TAF15: variants seen among roughly 807,000 people sequenced by gnomAD.
TAF15 encodes the protein TATA-binding protein-associated factor 2N.
In TAF15, 37 loss-of-function variants were observed where a neutral mutation model predicts 102.5. That is an observed-to-expected ratio of 0.36 (90% CI 0.28 to 0.47). TAF15 has a LOEUF of 0.47. Among genes scored for constraint, TAF15 ranks in the 20% least tolerant of loss-of-function variants. The pLI, the probability that TAF15 is intolerant of heterozygous loss-of-function variation, is 0.99. For synonymous variants in TAF15, 273 were observed against 259.2 expected (o/e 1.05, Z -0.51); for missense variants, 652 against 760.7 (o/e 0.86, Z 1.68).
intron 2 of TAF15, among the ~76,000 whole-genome samples, chr17:35,818,062 C>G (rs948147909): frequency 2.0e-5 from 3 of 152,012 alleles, no homozygotes; most frequent in Non-Finnish European, 4.4e-5. Flanking sequence ...ACTGTAATCT[C>G]CACTACAGAC....
intron 7 of TAF15, among the ~76,000 whole-genome samples, chr17:35,828,075 G>A (rs908725544): frequency 6.6e-6 from 1 of 152,058 alleles, no homozygotes; most frequent in Non-Finnish European, 1.5e-5. Flanking sequence ...ATAAATAATT[G>A]CTTTTCATTA....
chr17:35,826,733 T>TC (rs2087334358), intron 7 of TAF15, among the ~76,000 whole-genome samples: 1 of 149,798 alleles, frequency 6.7e-6, no homozygotes, highest in African/African-American at 2.4e-5. Flanking sequence ...AATTTTTTTT[T>TC]TTTTTTTTTT....
chr17:35,835,751 G>T (rs541725382), intron 9 of TAF15, among the ~76,000 whole-genome samples: 2 of 152,356 alleles, frequency 1.3e-5, no homozygotes, highest in East Asian at 3.9e-4. Context: ...TTGTACTAGA[G>T]AATCTTAAAA....
intron 7 of TAF15, among the ~76,000 whole-genome samples, chr17:35,831,681 A>T (rs1351486115): frequency 6.6e-6 from 1 of 152,192 alleles, no homozygotes; most frequent in Non-Finnish European, 1.5e-5. Context: ...TCGTGAACCC[A>T]GTGACCTCCA....
intron 7 of TAF15, 115 bp downstream of exon 7, chr17:35,824,313 A>C: frequency 7.3e-7 from 1 of 1,376,468 alleles, no homozygotes; most frequent in Non-Finnish European, 9.9e-7. Flanking sequence ...GACTTTAAAA[A>C]GGGATTATAT....
Position 35,838,520 on chromosome 17 carries a change from C to T in TAF15, c.880C>T (p.Pro294Ser). 6.2e-7 allele frequency: 1 copy of T among 1,614,212 alleles called. No homozygotes were observed. ...GGCAACAGTGTCATTTGATGACCCT[C>T]CTTCAGCTAAGGCAGCCATTGACTG... ...GEATVSFDDP[P>S]SAKAAIDWFD... The change falls in exon 11 of 16, where the codon CCT (proline) becomes TCT (serine). Residue 294 changes from proline to serine, a missense_variant. By Grantham distance (74) the Pro-to-Ser change is moderately conservative. This residue lies in a region of TAF15 where 41 missense variants were observed against 109.1 expected (regional missense o/e 0.38). Transcript: ENST00000605844.
intron 1 of TAF15, chr17:35,810,772 G>A (rs749292362): frequency 1.3e-5 from 2 of 152,210 alleles, no homozygotes. Context: ...GCATCGATCT[G>A]AGAAGACTAC....
intron 8 of TAF15, 127 bp downstream of exon 8, chr17:35,834,068 TAA>T: frequency 2.8e-6 from 2 of 705,372 alleles, no homozygotes; most frequent in Non-Finnish European, 4.5e-6. Flanking sequence ...TTGTGTGCTT[TAA>T]AAAAAATTTT....
intron 8 of TAF15, 90 bp downstream of exon 8, chr17:35,834,031 T>G: frequency 7.2e-7 from 1 of 1,397,206 alleles, no homozygotes; most frequent in Non-Finnish European, 1.0e-6. Flanking sequence ...CAAAAGTCCT[T>G]TCTTACTCTG....
rs867368545 is a variant in TAF15 at position 35,820,071 on chromosome 17, C to T, written c.95C>T (p.Ser32Leu). ...NPGSQGYGQA[S>L]QSYSGYGQTT... ...GGCAGCCAAGGCTATGGACAAGCAT[C>T]ACAAGTAGGTTGAAATATAAATTGT... The change falls in exon 3 of 16, where the codon TCA becomes TTA. Residue 32 changes from serine (S) to leucine (L), a missense_variant. Ser to Leu is a moderately radical substitution (Grantham distance 145). This residue lies in a region of TAF15 where 243 missense variants were observed against 284.1 expected (regional missense o/e 0.86). Coordinates refer to ENST00000605844, the MANE Select transcript of TAF15 (RefSeq NM_139215.3). 1.9e-6 allele frequency: 3 copies of T among 1,614,046 alleles called. No homozygotes were observed. Among genetic ancestry groups the T allele is most frequent in the Non-Finnish European group, 2.5e-6 (3 of 1,179,940 alleles).
chr17:35,835,422 T>C (rs1036520469), intron 9 of TAF15, among the ~76,000 whole-genome samples: 4 of 152,242 alleles, frequency 2.6e-5, no homozygotes, highest in African/African-American at 9.6e-5. Flanking sequence ...GCTACAGATT[T>C]ACCTGTGGAG....
At chr17:35,831,665 A>G (rs2087407809) in intron 7 of TAF15, among the ~76,000 whole-genome samples, 1 of 152,148 alleles carries the variant, frequency 6.6e-6, no homozygotes, top group African/African-American at 2.4e-5. Context: ...TTCTTCTAGC[A>G]CTTATTCGTG....
At chr17:35,845,275 G>A (rs2087610490) in intron 15 of TAF15, among the ~76,000 whole-genome samples, 1 of 151,966 alleles carries the variant, frequency 6.6e-6, no homozygotes, top group Non-Finnish European at 1.5e-5. Flanking sequence ...TAGTGACAGA[G>A]ACAGGGTCTT....
intron 6 of TAF15, chr17:35,823,853 A>G: frequency 3.3e-6 from 2 of 613,604 alleles, no homozygotes; most frequent in East Asian, 2.8e-5. Context: ...TGACACAGAT[A>G]CATTACTGTT....
intron 1 of TAF15, among the ~76,000 whole-genome samples, chr17:35,813,264 T>C (rs1206682506): frequency 2.0e-5 from 3 of 151,752 alleles, no homozygotes; most frequent in African/African-American, 7.3e-5. Flanking sequence ...ATTACAGATA[T>C]GATGGATGTG....
intron 1 of TAF15, among the ~76,000 whole-genome samples, chr17:35,814,785 A>G (rs1348844732): frequency 4.0e-5 from 6 of 151,832 alleles, no homozygotes; most frequent in Non-Finnish European, 8.8e-5. Context: ...CCTGGGAAGC[A>G]GAGGTTGCAG....
At chr17:35,824,344 T>G (rs973225457) in intron 7 of TAF15, 146 bp downstream of exon 7, 1 of 1,104,116 alleles carries the variant, frequency 9.1e-7, no homozygotes, top group Admixed American at 2.8e-5. Context: ...AAGGCAGAAA[T>G]TAAAAGTGTA....
intron 12 of TAF15, 61 bp downstream of exon 12, chr17:35,842,520 CTCTGTT>C: frequency 7.5e-7 from 1 of 1,328,556 alleles, no homozygotes; most frequent in Non-Finnish European, 1.1e-6. Flanking sequence ...TGAGTTCATA[CTCTGTT>C]TCTATTTGTG....
At chr17:35,845,181 CT>C in intron 15 of TAF15, 143 bp downstream of exon 15, 1 of 1,064,818 alleles carries the variant, frequency 9.4e-7, no homozygotes, top group Non-Finnish European at 1.4e-6. Context: ...TAGTTTCCTG[CT>C]TAGCAATTTC....
Sources: allele counts gnomAD v4.1 joint callset (sites outside exome capture counted in the v4.1 genomes callset), GRCh38; gene constraint gnomAD v4.1.1; regional missense constraint gnomAD v4.1.1; transcripts MANE v1.5; gene names NCBI Gene and HGNC (gene_info 2026-07-23, HGNC 2026-07-21).